Variants in IPO5 observed in about 807,000 individuals in gnomAD.
IPO5 encodes the protein importin-5.
IPO5 carries 18 observed loss-of-function variants against 143.3 expected under a neutral mutation model. The observed-to-expected ratio is 0.13, with a 90% CI of 0.09 to 0.19. The LOEUF (loss-of-function observed/expected upper bound fraction) is 0.19. Ranked by LOEUF, IPO5 falls within the 10% of genes least tolerant of loss-of-function variation. The probability of loss-of-function intolerance (pLI) is 1.00; values close to 1 mark genes in which losing one functional copy is unlikely to be tolerated. For missense variants in IPO5, 1,013 were observed against 1,336.9 expected (o/e 0.76, Z 3.78); for synonymous variants, 477 against 465.7 (o/e 1.02, Z -0.31).
chr13:98,011,169 GGGT>G (rs1334603438), intron 20 of IPO5, among the ~76,000 whole-genome samples: 1 of 151,926 alleles, frequency 6.6e-6, no homozygotes, highest in Admixed American at 6.6e-5. Flanking sequence ...GGATTTTTGT[GGGT>G]TTTTTCTCTC....
intron 4 of IPO5, among the ~76,000 whole-genome samples, chr13:97,979,344 G>A (rs1321121121): frequency 6.6e-6 from 1 of 152,120 alleles, no homozygotes; most frequent in Non-Finnish European, 1.5e-5. Flanking sequence ...TTGAAGAGAC[G>A]TCAAAACTCT....
chr13:97,969,436 C>T (rs2139549473), intron 2 of IPO5, among the ~76,000 whole-genome samples: 1 of 152,158 alleles, frequency 6.6e-6, no homozygotes, highest in Middle Eastern at 3.4e-3. Context: ...CCTGCCTTGG[C>T]CTCCCAAAGT....
At chr13:98,007,531 C>T (rs932180174) in intron 17 of IPO5, 2 of 152,254 alleles carry the variant, frequency 1.3e-5, no homozygotes, top group African/African-American at 4.8e-5. Flanking sequence ...AAACCAGCAT[C>T]AGTATTAATT....
In IPO5 at chr13:97,982,732, G is replaced by C. The variant is rs549532443; in HGVS notation, c.171+149G>C. 4.9e-6 allele frequency: 3 copies of C among 618,014 alleles called. No individual in the cohort carries two copies. In the East Asian group the frequency reaches 8.4e-5, roughly 17 times the overall value. 38.3% of individuals were successfully genotyped at this position (618,014 alleles called of 1,614,324 possible). A position where few individuals can be genotyped will look rare whatever the true frequency, so the allele number is the denominator to read the frequency against. ...TTATTATTTGCTAAAAGCTACTTAG[G>C]AGTTATAATGTAATTTTTTGAAGTA... On this transcript the variant is annotated intron_variant, in intron 5 of 28. Transcript: ENST00000651721.
Position 97,992,995 on chromosome 13 carries a change from C to G in IPO5, c.773C>G (p.Thr258Ser). Residue 258 changes from threonine (T) to serine (S), a missense_variant, in exon 10 of 29, where the codon ACT becomes AGT. Physicochemically the swap from Thr to Ser is moderately conservative, Grantham distance 58. Around this residue, in one of 2 missense-constraint regions of IPO5, gnomAD observed 328 missense variants for 342.0 expected, o/e 0.96. Coordinates refer to ENST00000651721, the MANE Select transcript of IPO5 (RefSeq NM_002271.6). ...TATTTGCGTCCTCACTTGGAAGCAA[C>G]TCTACAGCTAAGTCTAAAGGTAAAT... ...PKYLRPHLEA[T>S]LQLSLKLCGD... The G allele has an allele frequency of 6.2e-7, 1 of 1,613,740 alleles. No homozygotes were observed. Among genetic ancestry groups the G allele is most frequent in the South Asian group, 1.1e-5 (1 of 91,022 alleles).
In IPO5 at chr13:97,983,163, G is replaced by A. The variant is rs560957251; in HGVS notation, c.171+580G>A. On this transcript the variant is annotated intron_variant, in intron 5 of 28. Transcript: ENST00000651721. ...TGGGATTACAGGCATGAGCCGCCACGCCCAGCCTAATTTAAGTGCTTTTTG... is the reference window on the plus strand; with the variant it reads ...TGGGATTACAGGCATGAGCCGCCACACCCAGCCTAATTTAAGTGCTTTTTG... 4.6e-5 allele frequency among the ~76,000 whole-genome samples: 7 copies of A among 152,274 alleles called. No homozygotes were observed. The South Asian group carries it at 1.0e-3, about 23-fold the overall frequency.
intron 3 of IPO5, among the ~76,000 whole-genome samples, chr13:97,972,616 T>C (rs1377386972): frequency 6.6e-6 from 1 of 152,238 alleles, no homozygotes; most frequent in Non-Finnish European, 1.5e-5. Context: ...CCAAGTCTAA[T>C]AAACTGCAAG....
At chr13:98,001,655 T>G (rs1888790310) in intron 13 of IPO5, 1 of 152,250 alleles carries the variant, frequency 6.6e-6, no homozygotes, top group Non-Finnish European at 1.5e-5. Flanking sequence ...TTTTTGTACT[T>G]TTAGTGGAGA....
chr13:98,003,847 CAAAA>C (rs954208235), intron 16 of IPO5, among the ~76,000 whole-genome samples: 2 of 138,950 alleles, frequency 1.4e-5, no homozygotes, highest in Non-Finnish European at 3.1e-5. Flanking sequence ...AATTCTGTTT[CAAAA>C]AAAAAAAGAT....
At chr13:97,997,023 C>G (rs1888350365) in intron 11 of IPO5, among the ~76,000 whole-genome samples, 1 of 152,034 alleles carries the variant, frequency 6.6e-6, no homozygotes, top group South Asian at 2.1e-4. Context: ...TGGAAACAAC[C>G]AAAATGTTTA....
intron 11 of IPO5, among the ~76,000 whole-genome samples, chr13:97,996,926 G>A (rs1888343814): frequency 2.0e-5 from 3 of 152,052 alleles, no homozygotes; most frequent in Non-Finnish European, 2.9e-5. Flanking sequence ...TTTGAAGATA[G>A]TAATAACAAT....
chr13:97,969,207 A>G (rs1273437751), intron 2 of IPO5, among the ~76,000 whole-genome samples: 1 of 70,016 alleles, frequency 1.4e-5, no homozygotes, highest in Non-Finnish European at 2.5e-5. Flanking sequence ...TTTGATACGT[A>G]GTCTCGCTCT....
intron 21 of IPO5, among the ~76,000 whole-genome samples, 195 bp downstream of exon 21, chr13:98,012,537 C>T (rs1459524349): frequency 6.6e-6 from 1 of 152,136 alleles, no homozygotes; most frequent in Admixed American, 6.6e-5. Context: ...AAAAAGAAAA[C>T]GTGACCTATC....
intron 6 of IPO5, among the ~76,000 whole-genome samples, chr13:97,986,125 A>G (rs1388271608): frequency 2.6e-5 from 4 of 151,438 alleles, no homozygotes; most frequent in Non-Finnish European, 5.9e-5. Context: ...AAAAAAAGGA[A>G]AAAAAAAATC....
At chr13:97,997,744 C>A in intron 12 of IPO5, 126 bp downstream of exon 12, 1 of 441,920 alleles carries the variant, frequency 2.3e-6, no homozygotes, top group Admixed American at 4.0e-5. Context: ...CTTTGCCTTG[C>A]TGTTGTATTT....
rs1889223287 is a variant in IPO5, at chr13:98,006,168, T to C, written c.1536T>C (p.Val512=). The part of the protein sequence containing the change: ...QKGTKLVLEQ[V]VTSIASVADT... ...GCACCAAGTTAGTTTTGGAACAAGT[T>C]GTGACATCCATTGCATCAGTTGCCG... Residue 512 remains valine, a synonymous_variant, in exon 17 of 29, where the codon GTT becomes GTC. Coordinates refer to ENST00000651721, the MANE Select transcript of IPO5 (RefSeq NM_002271.6). The C allele has an allele frequency of 6.2e-7, 1 of 1,613,808 alleles. No individual in the cohort carries two copies. The highest frequency in any genetic ancestry group is 8.5e-7 in the Non-Finnish European group (1 of 1,179,928).
intron 16 of IPO5, among the ~76,000 whole-genome samples, chr13:98,005,308 C>T (rs1448155331): frequency 6.6e-6 from 1 of 151,906 alleles, no homozygotes; most frequent in African/African-American, 2.4e-5. Context: ...AGCAATTCTC[C>T]TTCCTCTGCT....
At chr13:98,012,111 A>G (rs193195069) in intron 20 of IPO5, 135 bp from the exon 21 acceptor site, 357 of 583,896 alleles carry the variant, frequency 6.1e-4, no homozygotes, top group Non-Finnish European at 8.6e-4. Context: ...CTAATTTGAC[A>G]GTTCTACATG....
intron 4 of IPO5, among the ~76,000 whole-genome samples, chr13:97,977,532 C>T (rs1886481033): frequency 6.6e-6 from 1 of 152,150 alleles, no homozygotes; most frequent in African/African-American, 2.4e-5. Context: ...GTGGGACTTC[C>T]GTTGTTTAAC....
Sources: gnomAD v4.1 joint callset for allele counts (sites outside exome capture counted in the v4.1 genomes callset) on GRCh38, gnomAD v4.1.1 for gene constraint, gnomAD v4.1.1 regional missense constraint, MANE v1.5 for transcripts, NCBI Gene and HGNC (gene_info 2026-07-23, HGNC 2026-07-21) for gene names.